ADGRL3: variants seen among roughly 807,000 people sequenced by gnomAD.
ADGRL3 encodes the protein calcium-independent alpha-latrotoxin receptor 3.
ADGRL3 carries 62 observed loss-of-function variants against 153.5 expected under a neutral mutation model. That is an observed-to-expected ratio of 0.40 (90% confidence interval 0.33 to 0.50). The LOEUF (loss-of-function observed/expected upper bound fraction) is 0.50, where lower values mean the gene tolerates loss of function less well. Among genes scored for constraint, ADGRL3 ranks in the 20% least tolerant of loss-of-function variants. The pLI, the probability that ADGRL3 is intolerant of heterozygous loss-of-function variation, is 0.47. For synonymous variants in ADGRL3, 710 were observed against 672.5 expected, an observed-to-expected ratio of 1.06 and a Z score of -0.86; for missense variants, 1,641 against 1,859.4, an observed-to-expected ratio of 0.88 and a Z score of 2.16.
intron 5 of ADGRL3, among the ~76,000 whole-genome samples, chr4:61,620,053 C>G (rs944898717): frequency 6.7e-6 from 1 of 149,406 alleles, no homozygotes; most frequent in African/African-American, 2.5e-5. Context: ...TTTTTCATAT[C>G]TTTAGAAATA....
chr4:61,355,452 A>G (rs1436923646), intron 1 of ADGRL3, among the ~76,000 whole-genome samples: 1 of 152,044 alleles, frequency 6.6e-6, no homozygotes, highest in Non-Finnish European at 1.5e-5. Context: ...GTTGACTCCT[A>G]CTATCTGTAA....
chr4:61,296,921 A>G (rs1399504046), intron 1 of ADGRL3, among the ~76,000 whole-genome samples: 1 of 152,180 alleles, frequency 6.6e-6, no homozygotes, highest in Non-Finnish European at 1.5e-5. Context: ...ATGCATTACT[A>G]TGATATATTT....
intron 1 of ADGRL3, among the ~76,000 whole-genome samples, chr4:61,357,548 T>C (rs1366213522): frequency 6.6e-6 from 1 of 152,168 alleles, no homozygotes; most frequent in Non-Finnish European, 1.5e-5. Context: ...TATTCCTACG[T>C]TGGCTTCCTG....
chr4:61,987,954 A>C (rs2099091514), intron 19 of ADGRL3, among the ~76,000 whole-genome samples: 1 of 152,036 alleles, frequency 6.6e-6, no homozygotes, highest in Non-Finnish European at 1.5e-5. Context: ...TACATTTCTA[A>C]AATTTAGAGA....
intron 8 of ADGRL3, among the ~76,000 whole-genome samples, chr4:61,781,445 C>A (rs2097213450): frequency 6.6e-6 from 1 of 151,938 alleles, no homozygotes; most frequent in East Asian, 1.9e-4. Context: ...CCTCTCTCTT[C>A]ACTTCTTTTC....
intron 1 of ADGRL3, among the ~76,000 whole-genome samples, chr4:61,296,244 G>A (rs781373870): frequency 1.6e-4 from 24 of 152,200 alleles, no homozygotes; most frequent in African/African-American, 5.3e-4. Flanking sequence ...GACTTGTGTC[G>A]GAGTGCAGCG....
chr4:61,954,845 A>G (rs1257759116), intron 17 of ADGRL3, among the ~76,000 whole-genome samples: 1 of 152,146 alleles, frequency 6.6e-6, no homozygotes, highest in Non-Finnish European at 1.5e-5. Context: ...AGATTGCCCC[A>G]TCTCCACAAA....
chr4:61,476,266 C>A (rs147033231), intron 2 of ADGRL3, among the ~76,000 whole-genome samples: 202 of 151,970 alleles, frequency 1.3e-3, no homozygotes, highest in African/African-American at 4.5e-3. Flanking sequence ...ACTTTGTCGC[C>A]CAGGCTGGAG....
chr4:61,789,801 A>C (rs1274279478), intron 8 of ADGRL3, among the ~76,000 whole-genome samples: 1 of 152,212 alleles, frequency 6.6e-6, no homozygotes, highest in Non-Finnish European at 1.5e-5. Flanking sequence ...ATGTAACTAC[A>C]ATGTTAAAGC....
intron 3 of ADGRL3, among the ~76,000 whole-genome samples, chr4:61,515,349 A>G (rs189082305): frequency 6.6e-6 from 1 of 152,326 alleles, no homozygotes; most frequent in Non-Finnish European, 1.5e-5. Flanking sequence ...TTTTGTCTCC[A>G]TATCCAAATA....
chr4:61,216,198 T>A (rs866969923), intron 1 of ADGRL3, among the ~76,000 whole-genome samples: 18 of 152,154 alleles, frequency 1.2e-4, no homozygotes, highest in African/African-American at 4.3e-4. Context: ...GATTAGACTA[T>A]CTTTTTGTGA....
At chr4:61,478,788 A>C (rs1168212602) in intron 2 of ADGRL3, among the ~76,000 whole-genome samples, 1 of 152,186 alleles carries the variant, frequency 6.6e-6, no homozygotes, top group East Asian at 1.9e-4. Context: ...CTTTCCTATC[A>C]AAAAAATTTT....
chr4:61,735,893 A>G (rs1175498445), intron 8 of ADGRL3, among the ~76,000 whole-genome samples: 3 of 151,960 alleles, frequency 2.0e-5, no homozygotes, highest in African/African-American at 7.2e-5. Flanking sequence ...GATGGTACCA[A>G]GTTCTTAACT....
At chr4:61,909,802 T>TGTGTGA in intron 12 of ADGRL3, 57 bp downstream of exon 12, 1 of 1,304,914 alleles carries the variant, frequency 7.7e-7, no homozygotes, top group South Asian at 1.6e-5. Context: ...TGTGTGTGTG[T>TGTGTGA]CTTTAAAGTT....
chr4:61,358,476 A>G (rs1422038997), intron 1 of ADGRL3, among the ~76,000 whole-genome samples: 1 of 151,642 alleles, frequency 6.6e-6, no homozygotes, highest in Admixed American at 6.6e-5. Flanking sequence ...GGGCGCCTGT[A>G]GTCCCAGCTA....
At chr4:61,218,458 C>T (rs1462010799) in intron 1 of ADGRL3, among the ~76,000 whole-genome samples, 2 of 152,048 alleles carry the variant, frequency 1.3e-5, no homozygotes, top group South Asian at 2.1e-4. Flanking sequence ...TACAGGTGTG[C>T]ACCACCATGC....
At chr4:61,339,478 T>C (rs755282261) in intron 1 of ADGRL3, among the ~76,000 whole-genome samples, 2 of 152,198 alleles carry the variant, frequency 1.3e-5, no homozygotes, top group Non-Finnish European at 2.9e-5. Context: ...TGAGCTGGCA[T>C]TGGATTTGGT....
intron 1 of ADGRL3, among the ~76,000 whole-genome samples, chr4:61,367,244 T>C (rs1395197887): frequency 6.6e-6 from 1 of 152,000 alleles, no homozygotes; most frequent in African/African-American, 2.4e-5. Context: ...TTTTTATTTT[T>C]TTATTATTAT....
At chr4:61,281,036 C>A (rs2093700560) in intron 1 of ADGRL3, among the ~76,000 whole-genome samples, 1 of 151,930 alleles carries the variant, frequency 6.6e-6, no homozygotes, top group Non-Finnish European at 1.5e-5. Flanking sequence ...CAAGTAATTT[C>A]TGGTATTTAT....
Sources: allele counts gnomAD v4.1 joint callset (sites outside exome capture counted in the v4.1 genomes callset), GRCh38; gene constraint gnomAD v4.1.1; transcripts MANE v1.5; gene names NCBI Gene and HGNC (gene_info 2026-07-23, HGNC 2026-07-21).